The following DPYSL2 variants were observed in gnomAD, a reference collection of about 807,000 sequenced individuals.
DPYSL2 encodes the protein dihydropyrimidinase like 2, also known as dihydropyrimidinase-related protein 2.
In DPYSL2, 13 loss-of-function variants were observed where a neutral mutation model predicts 69.9. That is an observed-to-expected ratio of 0.19 (90% CI 0.12 to 0.30). DPYSL2 has a LOEUF of 0.30. Ranked by LOEUF, DPYSL2 falls within the 10% of genes least tolerant of loss-of-function variation. DPYSL2 has a pLI of 1.00. For synonymous variants in DPYSL2, 326 were observed against 359.1 expected (o/e 0.91, Z 1.04); for missense variants, 587 against 918.9 (o/e 0.64, Z 4.67).
chr8:26,654,059 G>C lies in DPYSL2; in HGVS notation c.1942+662G>C, dbSNP rs1049586482. On this transcript the variant is annotated intron_variant, in intron 13 of 13. Transcript: ENST00000521913. This position sits in a 1 kb window ranked among gnomAD's most constrained non-coding sequence, Gnocchi z 5.0. ...CTCTCCTACAGTATATTGTAGTTTAGCTTGTGGAGTTTGGAGTTTCAACAG... is the reference window on the plus strand; with the variant it reads ...CTCTCCTACAGTATATTGTAGTTTACCTTGTGGAGTTTGGAGTTTCAACAG... Among the ~76,000 whole-genome samples the C allele has an allele frequency of 6.6e-6, 1 of 152,176 alleles. No individual in the cohort carries two copies. The highest frequency in any genetic ancestry group is 1.5e-5 in the Non-Finnish European group (1 of 68,036).
Position 26,627,421 on chromosome 8 carries a change from C to T in DPYSL2, c.936+126C>T. 1.0e-6 allele frequency: 1 copy of T among 960,084 alleles called. No homozygotes were observed. The highest frequency in any genetic ancestry group is 1.5e-5 in the South Asian group (1 of 67,148). 59.5% of individuals were successfully genotyped at this position (960,084 alleles called of 1,614,324 possible). On this transcript the variant is annotated intron_variant, in intron 6 of 13. Coordinates refer to ENST00000521913, the MANE Select transcript of DPYSL2 (RefSeq NM_001197293.3). The surrounding 1 kb of genome is among the most constrained non-coding windows in gnomAD (Gnocchi z 6.9). ...AGCAGAGGGACCTGGTGTTCCCTTG[C>T]TGGAGCTCTGCTCAGTCTCACCCAT...
At chr8:26,541,767 C>G (rs763826156) in intron 1 of DPYSL2, among the ~76,000 whole-genome samples, 9 of 151,982 alleles carry the variant, frequency 5.9e-5, no homozygotes, top group East Asian at 5.8e-4. Flanking sequence ...TTTACACAAG[C>G]CTTTATCTAA....
rs1368271887 is a variant in DPYSL2, at chr8:26,591,596, C to T, written c.628+7613C>T. ...CCGTTACTCCTTCTACTCATGATAG[C>T]TTTAGCATTGTTGTCCCGGGGCAAC... On this transcript the variant is annotated intron_variant, in intron 3 of 13. Transcript: ENST00000521913. The surrounding 1 kb of genome is among the most constrained non-coding windows in gnomAD (Gnocchi z 5.8). Among the ~76,000 whole-genome samples, 1 of 152,202 alleles carries T rather than the reference C, an allele frequency of 6.6e-6. No homozygotes were observed. The highest frequency in any genetic ancestry group is 1.9e-4 in the East Asian group (1 of 5,190).
chr8:26,623,878 G>A (rs1585554507), intron 3 of DPYSL2: 4 of 386,618 alleles, frequency 1.0e-5, no homozygotes, highest in African/African-American at 8.3e-5. Flanking sequence ...CAAAGCTTGA[G>A]CTTTCAGGGG....
intron 1 of DPYSL2, among the ~76,000 whole-genome samples, chr8:26,558,497 A>T (rs1472505574): frequency 6.6e-6 from 1 of 152,194 alleles, no homozygotes; most frequent in African/African-American, 2.4e-5. Flanking sequence ...CTCTTCTACA[A>T]GATACTGTGG....
Position 26,627,300 on chromosome 8 carries a change from A to G in DPYSL2, c.936+5A>G. ...AATGGCGACATCATTGCAGAGGTACAGGGCTTTCTTTTTCGTCATTTCTTC... is the reference window on the plus strand; with the variant it reads ...AATGGCGACATCATTGCAGAGGTACGGGGCTTTCTTTTTCGTCATTTCTTC... On this transcript the variant is annotated splice_donor_5th_base_variant and intron_variant, in intron 6 of 13. Coordinates refer to ENST00000521913, the MANE Select transcript of DPYSL2 (RefSeq NM_001197293.3). The surrounding 1 kb of genome is among the most constrained non-coding windows in gnomAD (Gnocchi z 6.9). The G allele has an allele frequency of 6.2e-7, 1 of 1,614,110 alleles. No homozygotes were observed. The highest frequency in any genetic ancestry group is 8.5e-7 in the Non-Finnish European group (1 of 1,179,986).
Position 26,617,564 on chromosome 8 carries a change from G to T in DPYSL2, c.629-6579G>T, listed in dbSNP as rs555476254. On this transcript the variant is annotated intron_variant, in intron 3 of 13. Transcript: ENST00000521913. The surrounding 1 kb of genome is among the most constrained non-coding windows in gnomAD (Gnocchi z 4.7). Reference sequence around the variant, plus strand: ...CATTTAAATATGGCAAACTCCAAACGGGTCTTCTCTTTGAAGTTTTAGGGA... The same window carrying T: ...CATTTAAATATGGCAAACTCCAAACTGGTCTTCTCTTTGAAGTTTTAGGGA... Among the ~76,000 whole-genome samples, 1 of 152,116 alleles carries T rather than the reference G, an allele frequency of 6.6e-6. No individual in the cohort carries two copies. The highest frequency in any genetic ancestry group is 1.5e-5 in the Non-Finnish European group (1 of 68,022).
At chr8:26,548,016 G>T (rs1356375466) in intron 1 of DPYSL2, 12 of 264,532 alleles carry the variant, frequency 4.5e-5, no homozygotes, top group South Asian at 5.3e-5. Context: ...GGATAAGACA[G>T]AAGTCTGGAC....
intron 11 of DPYSL2, among the ~76,000 whole-genome samples, chr8:26,651,742 T>G (rs1354120788): frequency 6.6e-6 from 1 of 152,198 alleles, no homozygotes; most frequent in Non-Finnish European, 1.5e-5. Flanking sequence ...CCCTCAATCA[T>G]TTTATCGGAG....
chr8:26,616,220 A>G (rs1016222271), intron 3 of DPYSL2, among the ~76,000 whole-genome samples: 2 of 152,210 alleles, frequency 1.3e-5, no homozygotes, highest in African/African-American at 4.8e-5. Flanking sequence ...TATCCCTTAA[A>G]TTCTCAGGGG....
rs1169224157 is a variant in DPYSL2 at position 26,562,111 on chromosome 8, A to G, written c.355-19858A>G. 1.3e-5 allele frequency among the ~76,000 whole-genome samples: 2 copies of G among 152,206 alleles called. No individual in the cohort carries two copies. Among genetic ancestry groups the G allele is most frequent in the African/African-American group, 4.8e-5 (2 of 41,444 alleles). On this transcript the variant is annotated intron_variant, in intron 1 of 13. Coordinates refer to ENST00000521913, the MANE Select transcript of DPYSL2 (RefSeq NM_001197293.3). This position sits in a 1 kb window ranked among gnomAD's most constrained non-coding sequence, Gnocchi z 4.9. ...CTACTTACTCCACATCCAATCTATT[A>G]GTGACTTTTATTGGCAGCAGAAACA...
In DPYSL2 at chr8:26,607,784, GA is replaced by G. The variant is rs368713483; in HGVS notation, c.629-16348del. 2.0e-3 allele frequency among the ~76,000 whole-genome samples: 281 copies of G among 139,406 alleles called. 1 individual carries two copies. Among genetic ancestry groups the G allele is most frequent in the African/African-American group, 6.3e-3 (240 of 38,128 alleles). The allele number at this position is 139,406 out of a possible 152,430, so 91.5% of individuals were successfully genotyped here. On this transcript the variant is annotated intron_variant, in intron 3 of 13. Transcript: ENST00000521913. ...ACAAAGCAAGACCCTGTGTCAAAAA[GA>G]AAAAAAAAAATCGGCTGGGTGTGGT...
intron 1 of DPYSL2, among the ~76,000 whole-genome samples, chr8:26,559,410 C>T (rs1045131807): frequency 5.3e-5 from 8 of 152,096 alleles, no homozygotes; most frequent in African/African-American, 1.4e-4. Context: ...TACATTCTTG[C>T]GAAAGAAATG....
At chr8:26,537,261 G>C (rs535519411) in intron 1 of DPYSL2, among the ~76,000 whole-genome samples, 1 of 152,212 alleles carries the variant, frequency 6.6e-6, no homozygotes, top group South Asian at 2.1e-4. Flanking sequence ...CTGAGGAATG[G>C]CTTTGACCCT....
intron 3 of DPYSL2, among the ~76,000 whole-genome samples, chr8:26,623,403 T>G (rs915863832): frequency 4.6e-5 from 7 of 152,136 alleles, no homozygotes; most frequent in Admixed American, 3.3e-4. Context: ...TCATAACAAA[T>G]GTATGTGCTA....
chr8:26,524,929 C>T (rs181511206), intron 1 of DPYSL2, among the ~76,000 whole-genome samples: 236 of 148,728 alleles, frequency 1.6e-3, no homozygotes, highest in African/African-American at 5.7e-3. Flanking sequence ...CAAATAGTAT[C>T]CTATTGTTTG....
chr8:26,655,793 T>G lies in DPYSL2; in HGVS notation c.*87T>G. On this transcript the variant is annotated 3_prime_UTR_variant, in exon 14 of 14. Transcript: ENST00000521913. The stretch of plus-strand genomic sequence containing the variant: ...CTTCTTTCTTCCTTCCTTTTTTTTT[T>G]TTTGTTTTTTTTTTTAAGAGCCTGT... The G allele has an allele frequency of 7.8e-7, 1 of 1,281,428 alleles. No individual in the cohort carries two copies. The highest frequency in any genetic ancestry group is 1.0e-6 in the Non-Finnish European group (1 of 959,020). The allele number at this position is 1,281,428 out of a possible 1,614,324, so 79.4% of individuals were successfully genotyped here. A position where few individuals can be genotyped will look rare whatever the true frequency, so the allele number is the denominator to read the frequency against.
chr8:26,537,304 A>C (rs2197180), intron 1 of DPYSL2, among the ~76,000 whole-genome samples: 35,600 of 151,934 alleles, frequency 0.23, 4,473 homozygotes, highest in Middle Eastern at 0.32. Flanking sequence ...CTATTCTGGG[A>C]AGGCTGCCTT....
At chr8:26,634,730 C>A in intron 7 of DPYSL2, 50 bp from the exon 8 acceptor site, 1 of 1,612,328 alleles carries the variant, frequency 6.2e-7, no homozygotes. Context: ...AAGGTAGCGG[C>A]TCGTGGGGTG....
Sources: allele counts gnomAD v4.1 joint callset (sites outside exome capture counted in the v4.1 genomes callset), GRCh38; gene constraint gnomAD v4.1.1; non-coding constraint Gnocchi (gnomAD v3.1); transcripts MANE v1.5; gene names NCBI Gene and HGNC (gene_info 2026-07-23, HGNC 2026-07-21).